Variants in ANXA11 observed in about 807,000 individuals in gnomAD.
ANXA11 encodes the protein annexin A11, also known as 56 kDa autoantigen.
In ANXA11, 57 loss-of-function variants were observed where a neutral mutation model predicts 64.7. That is an observed-to-expected ratio of 0.88 (90% CI 0.71 to 1.10). ANXA11 has a LOEUF of 1.10. Among genes scored for constraint, ANXA11 ranks in the 50% least tolerant of loss-of-function variants. The probability of loss-of-function intolerance (pLI) is 0.00; values close to 1 mark genes in which losing one functional copy is unlikely to be tolerated. For missense variants in ANXA11, 675 were observed against 670.7 expected (o/e 1.01, Z -0.07); for synonymous variants, 260 against 265.2 (o/e 0.98, Z 0.19).
intron 2 of ANXA11, among the ~76,000 whole-genome samples, chr10:80,175,371 A>G (rs1410598626): frequency 6.6e-6 from 1 of 152,060 alleles, no homozygotes; most frequent in Non-Finnish European, 1.5e-5. Flanking sequence ...AGGACCTTTG[A>G]GCACCAAAGA....
chr10:80,205,316 C>T (rs1405117690), intron 1 of ANXA11, 27 bp downstream of exon 1: 1 of 151,944 alleles, frequency 6.6e-6, no homozygotes, highest in South Asian at 2.1e-4. Flanking sequence ...GTCCCAGGCC[C>T]CCAGCCGGCT....
intron 3 of ANXA11, among the ~76,000 whole-genome samples, 160 bp downstream of exon 3, chr10:80,172,647 C>T (rs1846022679): frequency 6.6e-6 from 1 of 152,160 alleles, no homozygotes; most frequent in Admixed American, 6.5e-5. Flanking sequence ...CAGCCCCTGC[C>T]TCGGCTGGCT....
At chr10:80,166,581 AC>A (rs1564607289) in intron 7 of ANXA11, 1 of 468,584 alleles carries the variant, frequency 2.1e-6, no homozygotes, top group Non-Finnish European at 3.8e-6. Flanking sequence ...CATCAGCTAA[AC>A]CCCCCAGGGT....
In ANXA11 at chr10:80,172,686, C is replaced by T. The variant is rs569644701; in HGVS notation, c.55+121G>A. On this transcript the variant is annotated intron_variant, in intron 3 of 15. Coordinates refer to ENST00000422982, the MANE Select transcript of ANXA11 (RefSeq NM_145868.2). The stretch of plus-strand genomic sequence containing the variant: ...CCACTACTCCTGTTGTCCTCTCCTC[C>T]CCTGCTGGGCCGTGCTGTGAGGGGA... The T allele has an allele frequency of 5.6e-5, 57 of 1,015,832 alleles. No individual in the cohort carries two copies. The South Asian group carries it at 6.9e-4, about 12-fold the overall frequency. 62.9% of individuals were successfully genotyped at this position (1,015,832 alleles called of 1,614,324 possible).
chr10:80,203,956 A>G (rs1221509026), intron 1 of ANXA11, among the ~76,000 whole-genome samples: 2 of 152,200 alleles, frequency 1.3e-5, no homozygotes, highest in Non-Finnish European at 2.9e-5. Context: ...GGCCTGCCTC[A>G]CACACTTTAT....
chr10:80,163,462 C>CCTCA, intron 10 of ANXA11, 57 bp from the exon 11 acceptor site: 1 of 1,612,318 alleles, frequency 6.2e-7, no homozygotes, highest in Non-Finnish European at 8.5e-7. Context: ...TTTTCCCTTT[C>CCTCA]CTCATTGCGG....
chr10:80,161,844 G>A, intron 12 of ANXA11, 91 bp downstream of exon 12: 1 of 1,154,080 alleles, frequency 8.7e-7, no homozygotes, highest in Non-Finnish European at 1.3e-6. Flanking sequence ...ACGCAGGGAG[G>A]AACGACCAAG....
chr10:80,173,058 A>C (rs900117860), intron 2 of ANXA11, 189 bp from the exon 3 acceptor site: 1 of 562,042 alleles, frequency 1.8e-6, no homozygotes, highest in Non-Finnish European at 3.2e-6. Context: ...AACAGTACCC[A>C]CCAGCATGCT....
At chr10:80,203,097 G>C (rs1840509714) in intron 1 of ANXA11, among the ~76,000 whole-genome samples, 1 of 151,110 alleles carries the variant, frequency 6.6e-6, no homozygotes, top group East Asian at 1.9e-4. Context: ...AATCCAGGAG[G>C]AAGGAGGGGG....
intron 11 of ANXA11, 42 bp downstream of exon 11, chr10:80,163,306 AT>A: frequency 6.2e-7 from 1 of 1,607,838 alleles, no homozygotes; most frequent in Non-Finnish European, 8.5e-7. Context: ...AGCGGGGTGC[AT>A]CCCTGCTTTA....
chr10:80,155,647 G>C lies in ANXA11; in HGVS notation c.*206C>G, dbSNP rs1564595645. The C allele has an allele frequency of 5.4e-6, 3 of 556,908 alleles. No individual in the cohort carries two copies. Among genetic ancestry groups the C allele is most frequent in the Non-Finnish European group, 9.5e-6 (3 of 314,520 alleles). 34.5% of individuals were successfully genotyped at this position (556,908 alleles called of 1,614,324 possible). On this transcript the variant is annotated 3_prime_UTR_variant, in exon 16 of 16. Transcript: ENST00000422982. Reference sequence around the variant, plus strand: ...GCAGCAAGAGGCTGTGAGGGATGGGGTAGAAAAGGCATCCTGAGAGAGTTC... The same window carrying C: ...GCAGCAAGAGGCTGTGAGGGATGGGCTAGAAAAGGCATCCTGAGAGAGTTC...
chr10:80,192,279 G>A (rs535905705), intron 1 of ANXA11, among the ~76,000 whole-genome samples: 2 of 152,252 alleles, frequency 1.3e-5, no homozygotes, highest in Admixed American at 6.5e-5. Flanking sequence ...TGCCCCTCCT[G>A]TACATTTCAC....
At chr10:80,168,057 C>T (rs1306383144) in intron 5 of ANXA11, among the ~76,000 whole-genome samples, 3 of 152,266 alleles carry the variant, frequency 2.0e-5, no homozygotes, top group Middle Eastern at 6.8e-3. Context: ...AGGAGACCCT[C>T]TGTCTAAAAA....
At chr10:80,164,977 C>T (rs141282229) in intron 8 of ANXA11, among the ~76,000 whole-genome samples, 1,632 of 152,334 alleles carry the variant, frequency 0.011, 26 homozygotes, top group South Asian at 0.075. Context: ...ATCCACTGTC[C>T]CCATTTCACA....
intron 5 of ANXA11, among the ~76,000 whole-genome samples, chr10:80,167,618 G>A (rs1845800126): frequency 6.6e-6 from 1 of 152,180 alleles, no homozygotes; most frequent in South Asian, 2.1e-4. Context: ...TCAGGCTCCT[G>A]ATGAAGGGCA....
chr10:80,194,279 C>T (rs1846894280), intron 1 of ANXA11, among the ~76,000 whole-genome samples: 1 of 152,174 alleles, frequency 6.6e-6, no homozygotes, highest in South Asian at 2.1e-4. Flanking sequence ...TAGTGCCCCT[C>T]CCACGGCCCC....
At chr10:80,182,184 C>G (rs1375652974) in intron 1 of ANXA11, among the ~76,000 whole-genome samples, 3 of 149,916 alleles carry the variant, frequency 2.0e-5, no homozygotes, top group Non-Finnish European at 4.4e-5. Context: ...CAATATACCA[C>G]TGTGGTGGGA....
chr10:80,160,026 G>A (rs1402859513), intron 12 of ANXA11, among the ~76,000 whole-genome samples: 1 of 152,176 alleles, frequency 6.6e-6, no homozygotes, highest in Non-Finnish European at 1.5e-5. Context: ...AGAGAGACAG[G>A]TGGCATGATG....
intron 13 of ANXA11, 72 bp from the exon 14 acceptor site, chr10:80,158,097 A>C: frequency 6.9e-7 from 1 of 1,446,028 alleles, no homozygotes; most frequent in Non-Finnish European, 9.7e-7. Context: ...GGAGTCTACA[A>C]GTGTCCTCTT....
Sources: gnomAD v4.1 joint callset for allele counts (sites outside exome capture counted in the v4.1 genomes callset) on GRCh38, gnomAD v4.1.1 for gene constraint, MANE v1.5 for transcripts, NCBI Gene and HGNC (gene_info 2026-07-23, HGNC 2026-07-21) for gene names.